The following FGGY variants were observed in gnomAD, a reference collection of about 807,000 sequenced individuals.
The protein encoded by FGGY is FGGY carbohydrate kinase domain-containing protein.
Under a neutral mutation model 71.3 loss-of-function variants are expected in FGGY, and 72 were observed. That is an observed-to-expected ratio of 1.01 (90% CI 0.84 to 1.23). The LOEUF is 1.23. Among genes scored for constraint, FGGY ranks in the 50% most tolerant of loss-of-function variants. The pLI is 0.00. For missense variants in FGGY, 668 were observed against 682.3 expected (o/e 0.98, Z 0.23); for synonymous variants, 251 against 250.3 (o/e 1.00, Z -0.02).
chr1:59,383,982 C>A (rs1431233779), intron 5 of FGGY, among the ~76,000 whole-genome samples: 1 of 152,124 alleles, frequency 6.6e-6, no homozygotes, highest in Non-Finnish European at 1.5e-5. Flanking sequence ...AATAAACTTT[C>A]TAAATTGATT....
intron 9 of FGGY, among the ~76,000 whole-genome samples, chr1:59,616,392 G>A (rs925753459): frequency 6.6e-6 from 1 of 152,046 alleles, no homozygotes; most frequent in East Asian, 1.9e-4. Context: ...CAAAAAACCA[G>A]ACACTGCATG....
At chr1:59,439,287 T>A (rs908257192) in intron 5 of FGGY, among the ~76,000 whole-genome samples, 3 of 152,212 alleles carry the variant, frequency 2.0e-5, no homozygotes, top group Admixed American at 2.0e-4. Context: ...TGTGGTTTTG[T>A]TTAAACAAGA....
intron 8 of FGGY, among the ~76,000 whole-genome samples, chr1:59,600,010 T>C (rs371091712): frequency 8.0e-4 from 122 of 152,268 alleles, no homozygotes; most frequent in African/African-American, 2.9e-3. Context: ...ATTAAATTTG[T>C]GTATTAGAAA....
At chr1:59,595,361 G>C (rs1268035559) in intron 8 of FGGY, among the ~76,000 whole-genome samples, 2 of 152,028 alleles carry the variant, frequency 1.3e-5, no homozygotes, top group South Asian at 4.1e-4. Context: ...ATTGGCACAG[G>C]TTGCTTTATG....
intron 6 of FGGY, among the ~76,000 whole-genome samples, chr1:59,467,768 C>G (rs1316087963): frequency 2.6e-5 from 4 of 152,158 alleles, no homozygotes; most frequent in Non-Finnish European, 5.9e-5. Context: ...ATGACAAAAA[C>G]ACAGTCACTT....
chr1:59,755,879 G>A (rs2098285726), intron 14 of FGGY: 1 of 152,242 alleles, frequency 6.6e-6, no homozygotes, highest in Admixed American at 6.5e-5. Flanking sequence ...TGAAGATTCA[G>A]AGCTGGCAAT....
chr1:59,638,383 A>G lies in FGGY; in HGVS notation c.1221+8A>G, dbSNP rs1198712489. The G allele has an allele frequency of 1.2e-6, 2 of 1,614,166 alleles. No homozygotes were observed. Among genetic ancestry groups the G allele is most frequent in the East Asian group, 2.2e-5 (1 of 44,880 alleles). The stretch of plus-strand genomic sequence containing the variant: ...CTGACACTAAAGGGCATGGTAAGTA[A>G]CAGCTAGTCCTTGCACATGGGTGAA... On this transcript the variant is annotated splice_region_variant and intron_variant, in intron 11 of 15. Coordinates refer to ENST00000303721, the MANE Select transcript of FGGY (RefSeq NM_018291.5).
chr1:59,426,099 A>C (rs980472120), intron 5 of FGGY, among the ~76,000 whole-genome samples: 2 of 152,158 alleles, frequency 1.3e-5, no homozygotes, highest in African/African-American at 2.4e-5. Context: ...TGTCTCCTGC[A>C]TGGAGGAGGG....
At chr1:59,464,638 A>T (rs2092490886) in intron 6 of FGGY, among the ~76,000 whole-genome samples, 1 of 152,314 alleles carries the variant, frequency 6.6e-6, no homozygotes, top group Middle Eastern at 3.4e-3. Context: ...ACTAATAAAG[A>T]AGAAGACAGA....
chr1:59,731,881 G>A (rs1188788889), intron 14 of FGGY, among the ~76,000 whole-genome samples: 2 of 152,126 alleles, frequency 1.3e-5, no homozygotes, highest in African/African-American at 4.8e-5. Flanking sequence ...CCAATGCCCT[G>A]TTTATCCTAG....
intron 9 of FGGY, among the ~76,000 whole-genome samples, chr1:59,624,433 C>T (rs2096838168): frequency 6.6e-6 from 1 of 152,076 alleles, no homozygotes; most frequent in East Asian, 1.9e-4. Context: ...AATGTGTGTA[C>T]AATGCTTAAG....
At chr1:59,308,578 C>T (rs185393197) in intron 1 of FGGY, among the ~76,000 whole-genome samples, 15 of 152,250 alleles carry the variant, frequency 9.9e-5, no homozygotes, top group South Asian at 4.1e-4. Flanking sequence ...TAGCATCCAT[C>T]GGAATCACCT....
At chr1:59,751,917 A>G (rs1284608440) in intron 14 of FGGY, among the ~76,000 whole-genome samples, 3 of 152,198 alleles carry the variant, frequency 2.0e-5, no homozygotes, top group Non-Finnish European at 4.4e-5. Context: ...ATACCTATTA[A>G]TCACTAACCT....
chr1:59,443,277 C>T (rs1304975571), intron 5 of FGGY, among the ~76,000 whole-genome samples: 1 of 152,132 alleles, frequency 6.6e-6, no homozygotes, highest in African/African-American at 2.4e-5. Flanking sequence ...CAGAATTAAT[C>T]ATAAAGGGCC....
intron 5 of FGGY, among the ~76,000 whole-genome samples, chr1:59,427,298 G>A (rs2066556808): frequency 6.6e-6 from 1 of 152,138 alleles, no homozygotes; most frequent in African/African-American, 2.4e-5. Flanking sequence ...CAAAAATCCA[G>A]TTGGGACCAG....
intron 8 of FGGY, among the ~76,000 whole-genome samples, chr1:59,604,210 CA>C (rs1415781758): frequency 6.6e-6 from 1 of 152,194 alleles, no homozygotes; most frequent in African/African-American, 2.4e-5. Flanking sequence ...CAGGCCAAGA[CA>C]GCCATCAGCA....
At chr1:59,627,677 T>G (rs2096872592) in intron 10 of FGGY, among the ~76,000 whole-genome samples, 1 of 151,576 alleles carries the variant, frequency 6.6e-6, no homozygotes, top group Non-Finnish European at 1.5e-5. Flanking sequence ...TTCTCCCATT[T>G]CTCCAATAAA....
At chr1:59,603,598 T>C (rs2096597481) in intron 8 of FGGY, among the ~76,000 whole-genome samples, 1 of 152,190 alleles carries the variant, frequency 6.6e-6, no homozygotes, top group Admixed American at 6.5e-5. Context: ...AAACTGAGGC[T>C]CAGAAAGGCT....
At chr1:59,696,091 A>G (rs1241492566) in intron 14 of FGGY, among the ~76,000 whole-genome samples, 1 of 152,224 alleles carries the variant, frequency 6.6e-6, no homozygotes, top group African/African-American at 2.4e-5. Flanking sequence ...AGAAATATGA[A>G]CCAGCACATT....
Sources: allele counts gnomAD v4.1 joint callset (sites outside exome capture counted in the v4.1 genomes callset), GRCh38; gene constraint gnomAD v4.1.1; transcripts MANE v1.5; gene names NCBI Gene and HGNC (gene_info 2026-07-23, HGNC 2026-07-21).